Variants in CD96 observed in about 807,000 individuals in gnomAD.
CD96 encodes the protein CD96 molecule, also known as T-cell surface protein tactile.
A neutral mutation model predicts 71.3 loss-of-function variants in CD96; 70 were observed. The observed-to-expected ratio is 0.98, with a 90% CI of 0.81 to 1.20. CD96 has a LOEUF of 1.20. Among genes scored for constraint, CD96 ranks in the 50% most tolerant of loss-of-function variants. The pLI, the probability that CD96 is intolerant of heterozygous loss-of-function variation, is 0.00. For missense variants in CD96, 742 were observed against 677.5 expected, an observed-to-expected ratio of 1.10 and a Z score of -1.06; for synonymous variants, 248 against 233.0, an observed-to-expected ratio of 1.06 and a Z score of -0.59.
intron 12 of CD96, among the ~76,000 whole-genome samples, chr3:111,645,586 T>C (rs1467971252): frequency 6.6e-6 from 1 of 152,150 alleles, no homozygotes; most frequent in African/African-American, 2.4e-5. Context: ...AAATATTATA[T>C]CCCACCATAT....
chr3:111,655,675 C>T (rs1309536726), downstream of CD96, among the ~76,000 whole-genome samples: 1 of 151,848 alleles, frequency 6.6e-6, no homozygotes, highest in Non-Finnish European at 1.5e-5. Flanking sequence ...TATAATTTAC[C>T]ATATAAATAG....
At chr3:111,632,292 C>T (rs1939106371) in intron 10 of CD96, among the ~76,000 whole-genome samples, 3 of 151,946 alleles carry the variant, frequency 2.0e-5, no homozygotes, top group Non-Finnish European at 4.4e-5. Flanking sequence ...CAAACAACCC[C>T]ATTAAAAAGT....
intron 8 of CD96, among the ~76,000 whole-genome samples, chr3:111,623,480 T>C (rs1938603483): frequency 6.6e-6 from 1 of 152,204 alleles, no homozygotes; most frequent in Admixed American, 6.5e-5. Flanking sequence ...GAGTCTGGCA[T>C]ACAGTAGACA....
At chr3:111,624,533 TTAAAG>T in intron 10 of CD96, 129 bp downstream of exon 10, 2 of 706,960 alleles carry the variant, frequency 2.8e-6, no homozygotes, top group Non-Finnish European at 5.1e-6. Flanking sequence ...TCTATCATGT[TTAAAG>T]TATTGTTGTA....
chr3:111,647,519 C>T (rs1192095153), intron 12 of CD96, 24 bp from the exon 13 acceptor site: 17 of 1,609,298 alleles, frequency 1.1e-5, no homozygotes, highest in Non-Finnish European at 1.4e-5. Context: ...GATTAAAGTT[C>T]ATCTTTCTTT....
intron 3 of CD96, among the ~76,000 whole-genome samples, chr3:111,574,661 T>TGCATAA (rs1302764097): frequency 1.3e-5 from 2 of 152,208 alleles, no homozygotes; most frequent in African/African-American, 4.8e-5. Context: ...TAATTATGCA[T>TGCATAA]TTGTTTCTTT....
At chr3:111,566,108 T>C (rs986877900) in intron 2 of CD96, among the ~76,000 whole-genome samples, 1 of 150,630 alleles carries the variant, frequency 6.6e-6, no homozygotes, top group Non-Finnish European at 1.5e-5. Context: ...ACTATAAAAC[T>C]TCATAACCTA....
At chr3:111,621,156 T>A (rs991915181) in intron 8 of CD96, among the ~76,000 whole-genome samples, 19 of 152,236 alleles carry the variant, frequency 1.2e-4, no homozygotes, top group African/African-American at 4.6e-4. Context: ...AGTTGCTTAT[T>A]AGACTGAGAT....
At chr3:111,618,611 G>A (rs1026396356) in intron 8 of CD96, among the ~76,000 whole-genome samples, 5 of 136,914 alleles carry the variant, frequency 3.7e-5, no homozygotes, top group African/African-American at 1.4e-4. Context: ...TTGAGACAGA[G>A]TCTCGCTCTG....
intron 4 of CD96, 80 bp from the exon 5 acceptor site, chr3:111,585,243 G>GAC (rs200152394): frequency 2.3e-5 from 17 of 732,054 alleles, no homozygotes; most frequent in East Asian, 1.1e-4. Flanking sequence ...GATGCTTATA[G>GAC]ACACACACAC....
intron 2 of CD96, among the ~76,000 whole-genome samples, chr3:111,565,999 ACT>A (rs1210631231): frequency 1.3e-5 from 2 of 149,684 alleles, no homozygotes; most frequent in Non-Finnish European, 3.0e-5. Context: ...TAAAATGTAT[ACT>A]GTTATATAGC....
intron 2 of CD96, among the ~76,000 whole-genome samples, chr3:111,561,725 G>A (rs1422583982): frequency 2.8e-5 from 4 of 143,990 alleles, no homozygotes; most frequent in Non-Finnish European, 6.1e-5. Flanking sequence ...CTTGAGCTGT[G>A]GTGGGCTCCA....
In CD96 at chr3:111,554,402, C is replaced by T. The variant is rs1025440816; in HGVS notation, c.418+9000C>T. 3.9e-5 allele frequency among the ~76,000 whole-genome samples: 6 copies of T among 152,070 alleles called. 1 individual carries two copies. The highest frequency in any genetic ancestry group is 1.4e-4 in the African/African-American group (6 of 41,462). On this transcript the variant is annotated intron_variant, in intron 2 of 13. Transcript: ENST00000352690. ...TTTTGATCTACTTCCTCCATTTCTTCTCTGTTTTCTTGACTATATGAAAAA... is the reference window on the plus strand; with the variant it reads ...TTTTGATCTACTTCCTCCATTTCTTTTCTGTTTTCTTGACTATATGAAAAA...
At position 111,579,000 on chromosome 3, in the gene CD96, A is replaced by T. The variant is rs1936345359; in HGVS notation, c.544-27A>T. Reference sequence around the variant, plus strand: ...CAGAGCTGGCACAGTTGAGGACTCAATAACTGGTAACAATTTTTCTCACCA... The same window carrying T: ...CAGAGCTGGCACAGTTGAGGACTCATTAACTGGTAACAATTTTTCTCACCA... On this transcript the variant is annotated intron_variant, in intron 3 of 13. Transcript: ENST00000352690. 2.4e-6 allele frequency: 3 copies of T among 1,258,100 alleles called. No individual in the cohort carries two copies. The East Asian group carries it at 6.9e-5, about 29-fold the overall frequency. 77.9% of individuals were successfully genotyped at this position (1,258,100 alleles called of 1,614,324 possible).
chr3:111,649,036 T>C (rs1464978275), intron 13 of CD96, among the ~76,000 whole-genome samples: 4 of 152,166 alleles, frequency 2.6e-5, no homozygotes, highest in Non-Finnish European at 5.9e-5. Flanking sequence ...TACTCGGGGA[T>C]TGAGAAGAGC....
intron 8 of CD96, among the ~76,000 whole-genome samples, chr3:111,615,759 C>G (rs1357720601): frequency 6.6e-6 from 1 of 152,076 alleles, no homozygotes; most frequent in African/African-American, 2.4e-5. Flanking sequence ...GGGAAGTGGG[C>G]AGTAAAGATG....
At chr3:111,653,114 C>T (rs754924422), downstream of CD96, among the ~76,000 whole-genome samples, 1 of 152,140 alleles carries the variant, frequency 6.6e-6, no homozygotes, top group Non-Finnish European at 1.5e-5. Flanking sequence ...ACGACTAACC[C>T]AAGGCTTGAA....
In CD96 at chr3:111,565,111, G is replaced by T. The variant is rs571528584; in HGVS notation, c.419-2412G>T. Among the ~76,000 whole-genome samples, 11 of 152,164 alleles carry T rather than the reference G, an allele frequency of 7.2e-5. No individual in the cohort carries two copies. In the East Asian group the frequency reaches 2.1e-3, roughly 29 times the overall value. On this transcript the variant is annotated intron_variant, in intron 2 of 13. Transcript: ENST00000352690. ...CTTCTCCATTTGAGCTACTATTCTT[G>T]GATTAATCTACCTGTCTTTCCAGTG...
rs555262505 is a variant in CD96, at chr3:111,645,327, C to T, written c.1478-2216C>T. Among the ~76,000 whole-genome samples the T allele has an allele frequency of 4.3e-4, 66 of 151,964 alleles. 1 individual carries two copies. In the South Asian group the frequency reaches 0.011, roughly 26 times the overall value. The stretch of plus-strand genomic sequence containing the variant: ...TATGTGGGAAGCTAAGCTATGAGGA[C>T]GCAAAGACATAAGAATGACACAATG... On this transcript the variant is annotated intron_variant, in intron 12 of 13. Transcript: ENST00000352690.
Sources: gnomAD v4.1 joint callset for allele counts (sites outside exome capture counted in the v4.1 genomes callset) on GRCh38, gnomAD v4.1.1 for gene constraint, MANE v1.5 for transcripts, NCBI Gene and HGNC (gene_info 2026-07-23, HGNC 2026-07-21) for gene names.